TPR: variants seen among roughly 807,000 people sequenced by gnomAD.
TPR encodes the protein nucleoprotein TPR.
A neutral mutation model predicts 316.1 loss-of-function variants in TPR; 51 were observed. The ratio of observed to expected loss-of-function variants is 0.16; its 90% confidence interval spans 0.13 to 0.20. The LOEUF is 0.20. Ranked by LOEUF, TPR falls within the 10% of genes least tolerant of loss-of-function variation. The pLI is 1.00. For missense variants in TPR, 2,272 were observed against 2,754.8 expected (o/e 0.82, Z 3.92); for synonymous variants, 981 against 914.7 (o/e 1.07, Z -1.31).
At chr1:186,372,508 T>C (rs111608124) in intron 2 of TPR, among the ~76,000 whole-genome samples, 29,039 of 151,892 alleles carry the variant, frequency 0.19, 3,208 homozygotes, top group African/African-American at 0.3. Flanking sequence ...CACCACTGCA[T>C]TCCAGCCTGG....
At position 186,350,274 on chromosome 1, in the gene TPR, T is replaced by G. The variant is rs968916229; in HGVS notation, c.2725A>C (p.Ser909Arg). The G allele has an allele frequency of 6.2e-7, 1 of 1,613,742 alleles. No individual in the cohort carries two copies. The highest frequency in any genetic ancestry group is 8.5e-7 in the Non-Finnish European group (1 of 1,179,872). ...KEIATLKQHL[S>R]NMEVQVASQS... Reference sequence around the variant, plus strand: ...GAAGCAACTTGGACTTCCATATTACTGAGGTGCTGTTTCAATGTGGCAATT... The same window carrying G: ...GAAGCAACTTGGACTTCCATATTACGGAGGTGCTGTTTCAATGTGGCAATT... Residue 909 changes from serine to arginine, a missense_variant, in exon 21 of 51, where the codon AGT becomes CGT. By Grantham distance (110) the Ser-to-Arg change is moderately radical. Transcript: ENST00000367478.
At chr1:186,372,664 G>C (rs547746060) in intron 2 of TPR, among the ~76,000 whole-genome samples, 1 of 152,292 alleles carries the variant, frequency 6.6e-6, no homozygotes, top group African/African-American at 2.4e-5. Flanking sequence ...ACCCCATCTC[G>C]TCTGATCTCG....
Position 186,359,970 on chromosome 1 carries a change from C to G in TPR, c.1218G>C (p.Gln406His). 6.2e-7 allele frequency: 1 copy of G among 1,608,980 alleles called. No homozygotes were observed. Among genetic ancestry groups the G allele is most frequent in the Non-Finnish European group, 8.5e-7 (1 of 1,178,634 alleles). The change falls in exon 12 of 51, where the codon CAG becomes CAC. Residue 406 changes from glutamine (Q) to histidine (H), a missense_variant. Coordinates refer to ENST00000367478, the MANE Select transcript of TPR (RefSeq NM_003292.3). Reference sequence around the variant, plus strand: ...CTAGTTTCTCCAAAAGCAACTGATCCTGAGTTTCCACATAAGCATTATAGA... The same window carrying G: ...CTAGTTTCTCCAAAAGCAACTGATCGTGAGTTTCCACATAAGCATTATAGA... ...TELYNAYVET[Q>H]DQLLLEKLEN...
rs1396996055 is a variant in TPR, at chr1:186,363,333, G to A, written c.531+9C>T. ...ATAGTTTATGCATTAGGAATCATCT[G>A]GTACTTGCCTTAACAGAAACATCAG... is the stretch of plus-strand genomic sequence containing the variant. On this transcript the variant is annotated intron_variant, in intron 5 of 50. Transcript: ENST00000367478. 3.1e-6 allele frequency: 5 copies of A among 1,598,110 alleles called. No homozygotes were observed. Among genetic ancestry groups the A allele is most frequent in the Non-Finnish European group, 4.3e-6 (5 of 1,166,714 alleles).
Position 186,371,026 on chromosome 1 carries a change from G to C in TPR, c.274C>G (p.Leu92Val), listed in dbSNP as rs751244864. ...TCAAGTTCTTTGTTTTTCTCAGTTAGTGCCTTCAGTTGATTGTCTGGATAA... is the reference window on the plus strand; with the variant it reads ...TCAAGTTCTTTGTTTTTCTCAGTTACTGCCTTCAGTTGATTGTCTGGATAA... ...LEKLNNQLKA[L>V]TEKNKELEIA... Residue 92 changes from leucine (L) to valine (V), a missense_variant, in exon 3 of 51, where the codon CTA becomes GTA. This residue lies in a region of TPR where 549 missense variants were observed against 598.6 expected (regional missense o/e 0.92). Coordinates refer to ENST00000367478, the MANE Select transcript of TPR (RefSeq NM_003292.3). 1.2e-6 allele frequency: 2 copies of C among 1,612,790 alleles called. No individual in the cohort carries two copies. The highest frequency in any genetic ancestry group is 2.2e-5 in the South Asian group (2 of 91,054).
chr1:186,312,269 G>C lies in TPR; in HGVS notation c.*1702C>G, dbSNP rs565193791. 1.9e-6 allele frequency: 3 copies of C among 1,613,978 alleles called. No individual in the cohort carries two copies. Among genetic ancestry groups the C allele is most frequent in the Admixed American group, 3.3e-5 (2 of 60,010 alleles). On this transcript the variant is annotated 3_prime_UTR_variant, in exon 51 of 51. Transcript: ENST00000367478. Reference sequence around the variant, plus strand: ...TAAATTATCCAGTGTATGGAGAAACGACACAGGTTAGGAGACGTCGCTTTG... The same window carrying C: ...TAAATTATCCAGTGTATGGAGAAACCACACAGGTTAGGAGACGTCGCTTTG...
rs777613802 is a variant in TPR at position 186,332,284 on chromosome 1, T to G, written c.5515A>C (p.Thr1839Pro). ...GAGACTTGGTCTGATGCTTCTATGG[T>G]GCTATCCTCTTCCTCTTCACGTGTA... Reference protein sequence around the residue: ...KRTREEEEDSTIEASDQVSDD... With the variant: ...KRTREEEEDSPIEASDQVSDD... Residue 1839 changes from threonine to proline, a missense_variant, in exon 38 of 51, where the codon ACC (threonine) becomes CCC (proline). Thr to Pro is a conservative substitution (Grantham distance 38). This residue lies in a region of TPR where 435 missense variants were observed against 461.1 expected (regional missense o/e 0.94). Transcript: ENST00000367478. 3 of 1,612,862 alleles carry G rather than the reference T, an allele frequency of 1.9e-6. No homozygotes were observed. The African/African-American group carries it at 4.0e-5, about 22-fold the overall frequency.
At chr1:186,364,270 C>G (rs993442257) in intron 4 of TPR, among the ~76,000 whole-genome samples, 5 of 151,860 alleles carry the variant, frequency 3.3e-5, no homozygotes, top group Non-Finnish European at 5.9e-5. Context: ...AGGGAAATAT[C>G]ACGACAATAT....
intron 42 of TPR, among the ~76,000 whole-genome samples, chr1:186,324,607 C>T (rs35146131): frequency 0.091 from 13,898 of 152,140 alleles, 961 homozygotes; most frequent in East Asian, 0.38. Flanking sequence ...GTAAGCTATG[C>T]GACACCTCAA....
intron 50 of TPR, 124 bp from the exon 51 acceptor site, chr1:186,314,150 TAC>T: frequency 1.2e-6 from 1 of 813,994 alleles, no homozygotes; most frequent in Non-Finnish European, 1.9e-6. Flanking sequence ...TTGGGTATTC[TAC>T]AACTTCAATG....
rs765748617 is a variant in TPR at position 186,336,521 on chromosome 1, T to A, written c.4680A>T (p.Ala1560=). The A allele has an allele frequency of 6.2e-7, 1 of 1,613,858 alleles. No homozygotes were observed. The highest frequency in any genetic ancestry group is 1.1e-5 in the South Asian group (1 of 91,080). Residue 1560 remains alanine (A), a synonymous_variant, in exon 33 of 51, where the codon GCA becomes GCT. Coordinates refer to ENST00000367478, the MANE Select transcript of TPR (RefSeq NM_003292.3). ...EEKTRKAIVA[A]KSKIAHLAGV... ...CAGCTAAGTGTGCAATTTTTGACTT[T>A]GCTGCTACAATAGCCTTTCTGGTTT... is the stretch of plus-strand genomic sequence containing the variant.
chr1:186,344,598 A>G lies in TPR; in HGVS notation c.3214-20T>C. On this transcript the variant is annotated intron_variant, in intron 24 of 50. Coordinates refer to ENST00000367478, the MANE Select transcript of TPR (RefSeq NM_003292.3). The stretch of plus-strand genomic sequence containing the variant: ...TTTAGCCTATAAGAAATTATTACCC[A>G]ATTGATACCAAAGATTAAAAATCCA... 6.8e-7 allele frequency: 1 copy of G among 1,463,478 alleles called. No homozygotes were observed. Among genetic ancestry groups the G allele is most frequent in the Non-Finnish European group, 9.0e-7 (1 of 1,109,564 alleles). 90.7% of individuals were successfully genotyped at this position (1,463,478 alleles called of 1,614,324 possible). A position where few individuals can be genotyped will look rare whatever the true frequency, so the allele number is the denominator to read the frequency against.
At chr1:186,348,698 ACTGT>A (rs1658757941) in intron 21 of TPR, among the ~76,000 whole-genome samples, 2 of 152,056 alleles carry the variant, frequency 1.3e-5, no homozygotes, top group African/African-American at 4.8e-5. Context: ...CTCTCTTTGT[ACTGT>A]CTATTTCTCA....
rs1659023836 is a variant in TPR at position 186,356,202 on chromosome 1, G to C, written c.1888+84C>G. On this transcript the variant is annotated intron_variant, in intron 15 of 50. Transcript: ENST00000367478. The stretch of plus-strand genomic sequence containing the variant: ...GTCAAATTTGAAGCTACCATCATTA[G>C]AGTGGCTATTGCTTATGTTGCAAAA... The C allele has an allele frequency of 7.5e-6, 9 of 1,206,128 alleles. No homozygotes were observed. The East Asian group carries it at 1.0e-4, about 14-fold the overall frequency. The allele number at this position is 1,206,128 out of a possible 1,614,324, so 74.7% of individuals were successfully genotyped here.
rs148099413 is a variant in TPR, at chr1:186,312,345, C to T, written c.*1626G>A. On this transcript the variant is annotated 3_prime_UTR_variant, in exon 51 of 51. Transcript: ENST00000367478. The stretch of plus-strand genomic sequence containing the variant: ...ACACACCATCAGAATTCAATATTCA[C>T]CTGCCAGACTGGCTTATCAAGACAA... The T allele has an allele frequency of 5.3e-4, 846 of 1,608,670 alleles. No individual in the cohort carries two copies. The highest frequency in any genetic ancestry group is 6.9e-4 in the Non-Finnish European group (818 of 1,178,290).
chr1:186,350,336 A>G lies in TPR; in HGVS notation c.2663T>C (p.Leu888Pro). ...RQLDTETNLH[L>P]NTKELLKNAQ... ...ATTTTTTAATAGTTCTTTTGTGTTA[A>G]GATGAAGATTTGTCTCTGTATCCAG... Residue 888 changes from leucine (L) to proline (P), a missense_variant, in exon 21 of 51, where the codon CTT becomes CCT. Leu to Pro is a moderately conservative substitution (Grantham distance 98). Transcript: ENST00000367478. 6.2e-7 allele frequency: 1 copy of G among 1,613,304 alleles called. No individual in the cohort carries two copies. The highest frequency in any genetic ancestry group is 8.5e-7 in the Non-Finnish European group (1 of 1,179,558).
chr1:186,312,184 T>C lies in TPR; in HGVS notation c.*1787A>G. On this transcript the variant is annotated 3_prime_UTR_variant, in exon 51 of 51. Coordinates refer to ENST00000367478, the MANE Select transcript of TPR (RefSeq NM_003292.3). The stretch of plus-strand genomic sequence containing the variant: ...TTCTAATACATAACAGGTGGCAGCA[T>C]TCAGCAGTATATTTATAAACAGGAA... 1 of 1,613,802 alleles carries C rather than the reference T, an allele frequency of 6.2e-7. No homozygotes were observed. Among genetic ancestry groups the C allele is most frequent in the Non-Finnish European group, 8.5e-7 (1 of 1,179,726 alleles).
intron 4 of TPR, among the ~76,000 whole-genome samples, chr1:186,365,719 T>C (rs1050906758): frequency 6.6e-6 from 1 of 152,216 alleles, no homozygotes; most frequent in Non-Finnish European, 1.5e-5. Flanking sequence ...AATAAATTCC[T>C]GTTGGAGGAA....
At chr1:186,340,381 A>G (rs2102071621) in intron 29 of TPR, among the ~76,000 whole-genome samples, 1 of 152,258 alleles carries the variant, frequency 6.6e-6, no homozygotes, top group Non-Finnish European at 1.5e-5. Context: ...GTTCCAGTGA[A>G]CAAGTCTTTT....
Sources: allele counts gnomAD v4.1 joint callset (sites outside exome capture counted in the v4.1 genomes callset), GRCh38; gene constraint gnomAD v4.1.1; regional missense constraint gnomAD v4.1.1; transcripts MANE v1.5; gene names NCBI Gene and HGNC (gene_info 2026-07-23, HGNC 2026-07-21).